Variants in TMEM170B observed in about 807,000 individuals in gnomAD.
TMEM170B encodes the protein transmembrane protein 170B.
TMEM170B carries 6 observed loss-of-function variants against 13.0 expected under a neutral mutation model. That is an observed-to-expected ratio of 0.46 (90% confidence interval 0.25 to 0.91). The LOEUF (loss-of-function observed/expected upper bound fraction) is 0.91, where lower values mean the gene tolerates loss of function less well. TMEM170B is among the 40% of genes least tolerant of loss of function. The pLI is 0.17. For synonymous variants in TMEM170B, 61 were observed against 64.9 expected (o/e 0.94, Z 0.29); for missense variants, 138 against 165.2 (o/e 0.84, Z 0.90).
At position 11,576,040 on chromosome 6, in the gene TMEM170B, T is replaced by A. The variant is rs1296319073; in HGVS notation, c.*479T>A. The stretch of plus-strand genomic sequence containing the variant: ...TACTAAGATTTTTGTTCGGTAACAC[T>A]AAATCCCGTATGAGTGCTAAATACT... On this transcript the variant is annotated 3_prime_UTR_variant, in exon 3 of 3. Coordinates refer to ENST00000379426, the MANE Select transcript of TMEM170B (RefSeq NM_001100829.3). 1 of 153,204 alleles carries A rather than the reference T, an allele frequency of 6.5e-6. No individual in the cohort carries two copies. Among genetic ancestry groups the A allele is most frequent in the Non-Finnish European group, 1.5e-5 (1 of 68,634 alleles). The allele number at this position is 153,204 out of a possible 1,614,324, so 9.5% of individuals were successfully genotyped here. A position where few individuals can be genotyped will look rare whatever the true frequency, so the allele number is the denominator to read the frequency against.
intron 1 of TMEM170B, among the ~76,000 whole-genome samples, chr6:11,552,980 T>C (rs1416457889): frequency 2.0e-5 from 3 of 152,190 alleles, no homozygotes; most frequent in African/African-American, 7.2e-5. Context: ...TTTAGAGCCA[T>C]AGGACTTTAG....
chr6:11,574,072 A>G (rs1309562661), intron 2 of TMEM170B, among the ~76,000 whole-genome samples: 9 of 152,152 alleles, frequency 5.9e-5, no homozygotes, highest in East Asian at 1.9e-4. Context: ...ATTTATAGCC[A>G]GACTAACCTG....
intron 1 of TMEM170B, among the ~76,000 whole-genome samples, chr6:11,552,482 A>G (rs566222880): frequency 6.2e-4 from 94 of 152,356 alleles, no homozygotes; most frequent in Middle Eastern, 6.8e-3. Context: ...TAGAAAGGAT[A>G]GTTTTATCAG....
chr6:11,565,411 TA>T (rs1759720396), intron 1 of TMEM170B, among the ~76,000 whole-genome samples: 2 of 152,158 alleles, frequency 1.3e-5, no homozygotes, highest in African/African-American at 2.4e-5. Context: ...AGCTATGTAA[TA>T]GGGGCATTTA....
intron 2 of TMEM170B, among the ~76,000 whole-genome samples, chr6:11,566,790 C>T (rs1008929554): frequency 4.6e-5 from 7 of 152,232 alleles, no homozygotes; most frequent in Admixed American, 1.3e-4. Flanking sequence ...CACCCGCATG[C>T]GCGGTGTCCT....
chr6:11,545,936 T>C (rs192565739), intron 1 of TMEM170B, among the ~76,000 whole-genome samples: 1 of 144,090 alleles, frequency 6.9e-6, no homozygotes, highest in East Asian at 2.1e-4. Context: ...GGCATGAACC[T>C]GGGAGGCAGA....
At position 11,538,140 on chromosome 6, in the gene TMEM170B, G is replaced by A; in HGVS notation, c.-138G>A. 1 of 187,528 alleles carries A rather than the reference G, an allele frequency of 5.3e-6. No homozygotes were observed. The highest frequency in any genetic ancestry group is 1.0e-5 in the Non-Finnish European group (1 of 96,784). The allele number at this position is 187,528 out of a possible 1,614,324, so 11.6% of individuals were successfully genotyped here. A position where few individuals can be genotyped will look rare whatever the true frequency, so the allele number is the denominator to read the frequency against. Reference sequence around the variant, plus strand: ...GCCCTCCGGCTGCAGCAGCAGCAGCGCCCGGCCCGGCGTCCCGCAGCCTCC... The same window carrying A: ...GCCCTCCGGCTGCAGCAGCAGCAGCACCCGGCCCGGCGTCCCGCAGCCTCC... On this transcript the variant is annotated 5_prime_UTR_variant, in exon 1 of 3. Transcript: ENST00000379426.
At chr6:11,566,818 G>A (rs973554387) in intron 2 of TMEM170B, among the ~76,000 whole-genome samples, 54 of 152,318 alleles carry the variant, frequency 3.5e-4, no homozygotes, top group African/African-American at 1.2e-3. Context: ...CTTGGGAGGC[G>A]AGCATGCGCA....
chr6:11,583,418 C>A lies in TMEM170B; in HGVS notation c.*7857C>A, dbSNP rs1322778926. 1 of 152,108 alleles carries A rather than the reference C, an allele frequency of 6.6e-6. No homozygotes were observed. Among genetic ancestry groups the A allele is most frequent in the Non-Finnish European group, 1.5e-5 (1 of 68,020 alleles). 9.4% of individuals were successfully genotyped at this position (152,108 alleles called of 1,614,324 possible). A position where few individuals can be genotyped will look rare whatever the true frequency, so the allele number is the denominator to read the frequency against. On this transcript the variant is annotated 3_prime_UTR_variant, in exon 3 of 3. Coordinates refer to ENST00000379426, the MANE Select transcript of TMEM170B (RefSeq NM_001100829.3). ...TGAATCCAGCACTTAAATGTCATTA[C>A]ACAGAATTTATTGGATTAAAAATTT...
intron 2 of TMEM170B, among the ~76,000 whole-genome samples, chr6:11,571,975 A>G (rs975211520): frequency 1.4e-4 from 22 of 152,140 alleles, no homozygotes; most frequent in Admixed American, 1.2e-3. Flanking sequence ...AATTAATCAG[A>G]TAGATAATAT....
Position 11,564,412 on chromosome 6 carries a change from T to C in TMEM170B, c.98-1254T>C, listed in dbSNP as rs998995003. On this transcript the variant is annotated intron_variant, in intron 1 of 2. Transcript: ENST00000379426. ...ATAGGTTTTGATTCATCCATTTTAA[T>C]TCTTTAATGACTATTTTATTGACTT... Among the ~76,000 whole-genome samples the C allele has an allele frequency of 3.9e-5, 6 of 152,358 alleles. 1 individual carries two copies. Among genetic ancestry groups the C allele is most frequent in the African/African-American group, 1.4e-4 (6 of 41,582 alleles).
intron 1 of TMEM170B, among the ~76,000 whole-genome samples, chr6:11,544,779 T>A (rs1759408383): frequency 6.6e-6 from 1 of 152,234 alleles, no homozygotes; most frequent in South Asian, 2.1e-4. Context: ...TGTTTAACTG[T>A]GTCAGTTATA....
intron 1 of TMEM170B, among the ~76,000 whole-genome samples, chr6:11,548,141 C>G (rs1287130070): frequency 6.6e-6 from 1 of 152,128 alleles, no homozygotes; most frequent in Non-Finnish European, 1.5e-5. Context: ...TCAGACTGAA[C>G]AGGCAACCTA....
In TMEM170B at chr6:11,582,793, A is replaced by G. The variant is rs1759974004; in HGVS notation, c.*7232A>G. ...AATAAATGTTGGAGGGGTAATACAC[A>G]AAAACAAAGGCATATTTGATGAAGT... On this transcript the variant is annotated 3_prime_UTR_variant, in exon 3 of 3. Coordinates refer to ENST00000379426, the MANE Select transcript of TMEM170B (RefSeq NM_001100829.3). 1 of 152,190 alleles carries G rather than the reference A, an allele frequency of 6.6e-6. No individual in the cohort carries two copies. The highest frequency in any genetic ancestry group is 6.5e-5 in the Admixed American group (1 of 15,278). 9.4% of individuals were successfully genotyped at this position (152,190 alleles called of 1,614,324 possible). A position where few individuals can be genotyped will look rare whatever the true frequency, so the allele number is the denominator to read the frequency against.
chr6:11,563,476 C>T (rs1333027791), intron 1 of TMEM170B, among the ~76,000 whole-genome samples: 1 of 152,142 alleles, frequency 6.6e-6, no homozygotes, highest in African/African-American at 2.4e-5. Context: ...AGCATCCAGT[C>T]CCGCAGGTTA....
At position 11,581,500 on chromosome 6, in the gene TMEM170B, G is replaced by A. The variant is rs1198658707; in HGVS notation, c.*5939G>A. 6.6e-6 allele frequency: 1 copy of A among 152,132 alleles called. No homozygotes were observed. Among genetic ancestry groups the A allele is most frequent in the Non-Finnish European group, 1.5e-5 (1 of 68,016 alleles). 9.4% of individuals were successfully genotyped at this position (152,132 alleles called of 1,614,324 possible). On this transcript the variant is annotated 3_prime_UTR_variant, in exon 3 of 3. Coordinates refer to ENST00000379426, the MANE Select transcript of TMEM170B (RefSeq NM_001100829.3). Reference sequence around the variant, plus strand: ...ATGTATCTACTCTTGGTAGTAACATGACTCCACCCTTTTTGGGAATGTATT... The same window carrying A: ...ATGTATCTACTCTTGGTAGTAACATAACTCCACCCTTTTTGGGAATGTATT...
chr6:11,550,568 A>G (rs1033449733), intron 1 of TMEM170B, among the ~76,000 whole-genome samples: 6 of 152,178 alleles, frequency 3.9e-5, no homozygotes, highest in Non-Finnish European at 8.8e-5. Flanking sequence ...TAAGGAAGGA[A>G]AGTGATGTAT....
At chr6:11,555,182 T>TC (rs1423398981) in intron 1 of TMEM170B, among the ~76,000 whole-genome samples, 1 of 152,138 alleles carries the variant, frequency 6.6e-6, no homozygotes, top group Non-Finnish European at 1.5e-5. Context: ...AGTTTTTTTT[T>TC]CCCCTTTCAG....
intron 2 of TMEM170B, among the ~76,000 whole-genome samples, chr6:11,571,208 T>TA (rs1336926795): frequency 2.0e-5 from 3 of 150,672 alleles, no homozygotes; most frequent in South Asian, 4.2e-4. Flanking sequence ...ATTTTAGAGA[T>TA]AGAGTCTGGC....
Sources: gnomAD v4.1 joint callset for allele counts (sites outside exome capture counted in the v4.1 genomes callset) on GRCh38, gnomAD v4.1.1 for gene constraint, MANE v1.5 for transcripts, NCBI Gene and HGNC (gene_info 2026-07-23, HGNC 2026-07-21) for gene names.